The following ADRM1 variants were observed in gnomAD, a reference collection of about 807,000 sequenced individuals.
The protein encoded by ADRM1 is proteasomal ubiquitin receptor ADRM1.
ADRM1 carries 2 observed loss-of-function variants against 40.1 expected under a neutral mutation model. That is an observed-to-expected ratio of 0.05 (90% CI 0.02 to 0.16). The LOEUF (loss-of-function observed/expected upper bound fraction) is 0.16, where lower values mean the gene tolerates loss of function less well. Among genes scored for constraint, ADRM1 ranks in the 10% least tolerant of loss-of-function variants. The probability of loss-of-function intolerance (pLI) is 1.00; values close to 1 mark genes in which losing one functional copy is unlikely to be tolerated. For synonymous variants in ADRM1, 287 were observed against 240.4 expected (o/e 1.19, Z -1.79); for missense variants, 467 against 552.5 (o/e 0.85, Z 1.55).
In ADRM1 at chr20:62,306,275, C is replaced by T. The variant is rs1257710912; in HGVS notation, c.409C>T (p.Leu137=). ...GAACAACCCCCCGATGCCTGGGGCG[C>T]TGGGGGCCAGCGGAAGCAGCGGCCA... is the stretch of plus-strand genomic sequence containing the variant. ...YLNNPPMPGA[L]GASGSSGHEL... The change falls in exon 4 of 10, where the codon CTG becomes TTG. Residue 137 remains leucine (L), a synonymous_variant. Transcript: ENST00000253003. 10 of 1,612,662 alleles carry T rather than the reference C, an allele frequency of 6.2e-6. No individual in the cohort carries two copies. Among genetic ancestry groups the T allele is most frequent in the South Asian group, 2.2e-5 (2 of 91,082 alleles).
At chr20:62,308,587 TC>T in intron 9 of ADRM1, 67 bp from the exon 10 acceptor site, 1 of 1,589,824 alleles carries the variant, frequency 6.3e-7, no homozygotes, top group Non-Finnish European at 8.6e-7. Context: ...CTGCCCTTGA[TC>T]CCATCGCTTT....
intron 5 of ADRM1, 94 bp from the exon 6 acceptor site, chr20:62,307,277 T>C (rs1985164077): frequency 8.0e-7 from 1 of 1,242,438 alleles, no homozygotes; most frequent in Non-Finnish European, 1.1e-6. Context: ...GGCTTTGGTG[T>C]TGGGAATTCC....
At chr20:62,307,263 TC>T in intron 5 of ADRM1, 107 bp from the exon 6 acceptor site, 1 of 1,143,368 alleles carries the variant, frequency 8.7e-7, no homozygotes, top group Non-Finnish European at 1.2e-6. Context: ...CCCCGCTTCT[TC>T]CTGGCTTTGG....
chr20:62,305,312 C>G lies in ADRM1; in HGVS notation c.330+735C>G, dbSNP rs111539688. The G allele has an allele frequency of 2.0e-5, 3 of 152,762 alleles. No homozygotes were observed. In the South Asian group the frequency reaches 6.1e-4, roughly 31 times the overall value. 9.5% of individuals were successfully genotyped at this position (152,762 alleles called of 1,614,324 possible). A position where few individuals can be genotyped will look rare whatever the true frequency, so the allele number is the denominator to read the frequency against. The stretch of plus-strand genomic sequence containing the variant: ...GGAGCTGCTGTCCCCACCCCACCCC[C>G]CTTGGCACTTTCAAGAGCAGGGGTG... On this transcript the variant is annotated intron_variant, in intron 3 of 9. Coordinates refer to ENST00000253003, the MANE Select transcript of ADRM1 (RefSeq NM_007002.4).
At chr20:62,304,396 T>TC (rs1294723011) in intron 2 of ADRM1, 65 bp from the exon 3 acceptor site, 1 of 1,409,038 alleles carries the variant, frequency 7.1e-7, no homozygotes, top group Admixed American at 1.8e-5. Flanking sequence ...CTCAGTACGC[T>TC]CTCCTGAGAC....
At chr20:62,303,336 C>T (rs1601225338) in intron 1 of ADRM1, 2 of 432,070 alleles carry the variant, frequency 4.6e-6, no homozygotes, top group African/African-American at 2.1e-5. Context: ...CGGCGTCAAG[C>T]CTAGGGCCGG....
chr20:62,308,830 A>ATTAT lies in ADRM1; in HGVS notation c.*71_*74dup. On this transcript the variant is annotated 3_prime_UTR_variant, in exon 10 of 10. Transcript: ENST00000253003. Reference sequence around the variant, plus strand: ...GCACACCCTCACCTCCCACCCACTGATTATTAATAAAGTCTTTTCTTTTAC... The same window carrying ATTAT: ...GCACACCCTCACCTCCCACCCACTGATTATTTATTAATAAAGTCTTTTCTTTTAC... The ATTAT allele has an allele frequency of 6.4e-6, 10 of 1,564,098 alleles. No individual in the cohort carries two copies. The highest frequency in any genetic ancestry group is 2.3e-5 in the East Asian group (1 of 43,706).
At chr20:62,307,256 C>G (rs566795229) in intron 5 of ADRM1, 115 bp from the exon 6 acceptor site, 20 of 1,067,676 alleles carry the variant, frequency 1.9e-5, no homozygotes, top group Non-Finnish European at 2.7e-5. Flanking sequence ...CCCACCGCCC[C>G]GCTTCTTCCT....
chr20:62,305,427 A>G (rs905268840), intron 3 of ADRM1: 4 of 152,422 alleles, frequency 2.6e-5, no homozygotes, highest in South Asian at 2.1e-4. Flanking sequence ...ATGAACAGGC[A>G]TAGCCAAACT....
chr20:62,303,261 C>G (rs1007171348), intron 1 of ADRM1: 3 of 225,834 alleles, frequency 1.3e-5, no homozygotes, highest in Non-Finnish European at 2.6e-5. Flanking sequence ...GGCGGGAGCT[C>G]GGGCGGGTCT....
Position 62,308,146 on chromosome 20 carries a change from C to G in ADRM1, c.982C>G (p.Gln328Glu), listed in dbSNP as rs1342506230. 2 of 1,608,046 alleles carry G rather than the reference C, an allele frequency of 1.2e-6. No individual in the cohort carries two copies. The highest frequency in any genetic ancestry group is 1.7e-6 in the Non-Finnish European group (2 of 1,179,700). The change falls in exon 8 of 10, where the codon CAG (glutamine) becomes GAG (glutamate). Residue 328 changes from glutamine to glutamate, a missense_variant. Physicochemically the swap from Gln to Glu is conservative, Grantham distance 29 (BLOSUM62 2). Transcript: ENST00000253003. ...ESLPQTADEI[Q>E]NTLTSPQFQQ... ...GCTGCCGCAGACCGCGGATGAGATC[C>G]AGAATACCCTGACCTCGCCCCAGTT...
chr20:62,308,288 C>T lies in ADRM1; in HGVS notation c.1015-80C>T, dbSNP rs1452668290. On this transcript the variant is annotated intron_variant, in intron 8 of 9. Transcript: ENST00000253003. ...TGGCCAGTGCTTCATGTGCCTGACC[C>T]GCAGAGCTGGCAGCTGAGCAGTGTG... The T allele has an allele frequency of 3.1e-5, 48 of 1,537,742 alleles. No individual in the cohort carries two copies. The East Asian group carries it at 3.5e-4, about 11-fold the overall frequency.
At position 62,304,596 on chromosome 20, in the gene ADRM1, G is replaced by A. The variant is rs1209376300; in HGVS notation, c.330+19G>A. Reference sequence around the variant, plus strand: ...GATGCAGGTATGGGGCAGGCCTTGGGGTTGTGCCTTTTTGTTGCCCTGCGA... The same window carrying A: ...GATGCAGGTATGGGGCAGGCCTTGGAGTTGTGCCTTTTTGTTGCCCTGCGA... On this transcript the variant is annotated intron_variant, in intron 3 of 9. Transcript: ENST00000253003. The A allele has an allele frequency of 4.3e-6, 7 of 1,610,196 alleles. No homozygotes were observed. The African/African-American group carries it at 6.7e-5, about 15-fold the overall frequency.
intron 5 of ADRM1, 39 bp from the exon 6 acceptor site, chr20:62,307,332 A>G (rs1177803540): frequency 1.9e-6 from 3 of 1,579,472 alleles, no homozygotes; most frequent in Non-Finnish European, 1.7e-6. Flanking sequence ...CTGGTGGGCT[A>G]GAGGGCATCC....
At chr20:62,307,983 G>A (rs1182320203) in intron 7 of ADRM1, 38 bp from the exon 8 acceptor site, 3 of 1,592,874 alleles carry the variant, frequency 1.9e-6, no homozygotes, top group Admixed American at 3.4e-5. Flanking sequence ...GGGCACTTAG[G>A]CTGTCATCGA....
At chr20:62,303,975 C>T (rs576383320) in intron 2 of ADRM1, among the ~76,000 whole-genome samples, 194 bp downstream of exon 2, 1 of 152,164 alleles carries the variant, frequency 6.6e-6, no homozygotes, top group Non-Finnish European at 1.5e-5. Flanking sequence ...CTTGAACTGT[C>T]CGTGTGAGGT....
intron 4 of ADRM1, 50 bp downstream of exon 4, chr20:62,306,370 G>A (rs1306147232): frequency 3.1e-6 from 5 of 1,611,396 alleles, no homozygotes; most frequent in Middle Eastern, 1.6e-4. Context: ...GGAGGCCAGA[G>A]TCTACTGTGG....
At chr20:62,306,871 T>C in intron 5 of ADRM1, 137 bp downstream of exon 5, 2 of 884,092 alleles carry the variant, frequency 2.3e-6, no homozygotes, top group Non-Finnish European at 3.4e-6. Flanking sequence ...TGGTTCCCCT[T>C]TGGGAATGCG....
chr20:62,308,284 G>A, intron 8 of ADRM1, 84 bp from the exon 9 acceptor site: 3 of 1,538,164 alleles, frequency 2.0e-6, no homozygotes, highest in Non-Finnish European at 2.6e-6. Flanking sequence ...TCATGTGCCT[G>A]ACCCGCAGAG....
Sources: gnomAD v4.1 joint callset for allele counts (sites outside exome capture counted in the v4.1 genomes callset) on GRCh38, gnomAD v4.1.1 for gene constraint, MANE v1.5 for transcripts, NCBI Gene and HGNC (gene_info 2026-07-23, HGNC 2026-07-21) for gene names.